The following CTDP1 variants were observed in gnomAD, a reference collection of about 807,000 sequenced individuals.
CTDP1 encodes the protein CTD phosphatase 1.
Under a neutral mutation model 91.8 loss-of-function variants are expected in CTDP1, and 47 were observed. The ratio of observed to expected loss-of-function variants is 0.51; its 90% CI spans 0.41 to 0.65. The LOEUF (loss-of-function observed/expected upper bound fraction) is 0.65. Ranked by LOEUF, CTDP1 falls within the 30% of genes least tolerant of loss-of-function variation. CTDP1 has a pLI of 0.00. For missense variants in CTDP1, 1,272 were observed against 1,373.7 expected, an observed-to-expected ratio of 0.93 and a Z score of 1.17; for synonymous variants, 656 against 598.5, an observed-to-expected ratio of 1.10 and a Z score of -1.40.
chr18:79,715,119 G>A lies in CTDP1; in HGVS notation c.1659G>A (p.Glu553=). 1.2e-6 allele frequency: 2 copies of A among 1,613,488 alleles called. No individual in the cohort carries two copies. The highest frequency in any genetic ancestry group is 1.7e-5 in the Admixed American group (1 of 60,010). ...GCAACGGCTGTGCCGACAGGAAGGA[G>A]GCGGAGACCGAGTCACAGAACAGCG... ...GLGNGCADRK[E]AETESQNSEL... is the part of the protein sequence containing the mutation. Residue 553 remains glutamate, a synonymous_variant, in exon 8 of 13, where the codon GAG becomes GAA. Transcript: ENST00000613122.
chr18:79,723,834 C>G (rs1036968839), intron 10 of CTDP1, among the ~76,000 whole-genome samples: 1 of 152,198 alleles, frequency 6.6e-6, no homozygotes, highest in Non-Finnish European at 1.5e-5. Flanking sequence ...GCACCGCGCC[C>G]TCTCCGGAGT....
rs567386439 is a variant in CTDP1 at position 79,704,443 on chromosome 18, C to T, written c.622-324C>T. Among the ~76,000 whole-genome samples, 6 of 150,464 alleles carry T rather than the reference C, an allele frequency of 4.0e-5. No homozygotes were observed. In the East Asian group the frequency reaches 7.9e-4, roughly 20 times the overall value. On this transcript the variant is annotated intron_variant, in intron 4 of 12. Coordinates refer to ENST00000613122, the MANE Select transcript of CTDP1 (RefSeq NM_004715.5). ...ATGTCCTCTGTCCCGTGTGGAGGGG[C>T]GTGTACACGCACACGTGTCCTCTGT...
chr18:79,753,722 G>A lies in CTDP1; in HGVS notation c.2818G>A (p.Glu940Lys), dbSNP rs139811552. The change falls in exon 13 of 13, where the codon GAG becomes AAG. Residue 940 changes from glutamate (E) to lysine (K), a missense_variant. Around this residue, in one of 3 missense-constraint regions of CTDP1, gnomAD observed 881 missense variants for 911.6 expected, o/e 0.97. Coordinates refer to ENST00000613122, the MANE Select transcript of CTDP1 (RefSeq NM_004715.5). ...CAGCAGGGAGTCCAGCAACGAGGAT[G>A]AGGGCAGCAGCTCCGAGGCCGACGA... The part of the protein sequence containing the change: ...ESSRESSNED[E>K]GSSSEADEMA... 4.4e-5 allele frequency: 71 copies of A among 1,613,822 alleles called. No individual in the cohort carries two copies. In the African/African-American group the frequency reaches 8.0e-4, roughly 18 times the overall value.
intron 10 of CTDP1, among the ~76,000 whole-genome samples, chr18:79,718,238 G>A (rs1425197018): frequency 2.6e-5 from 4 of 152,118 alleles, no homozygotes; most frequent in Non-Finnish European, 5.9e-5. Context: ...ACAAAACCCC[G>A]ACCATCAGCT....
At chr18:79,729,473 G>A (rs960054036) in intron 11 of CTDP1, among the ~76,000 whole-genome samples, 11 of 152,324 alleles carry the variant, frequency 7.2e-5, no homozygotes, top group African/African-American at 1.2e-4. Flanking sequence ...GACGCCGACC[G>A]GCCCCCATTG....
chr18:79,689,227 T>C (rs1438169722), intron 1 of CTDP1, among the ~76,000 whole-genome samples: 1 of 152,206 alleles, frequency 6.6e-6, no homozygotes, highest in Non-Finnish European at 1.5e-5. Flanking sequence ...AGATCGCAGC[T>C]GTGCACTCTG....
At chr18:79,700,706 A>T (rs956269995) in intron 4 of CTDP1, among the ~76,000 whole-genome samples, 10 of 152,344 alleles carry the variant, frequency 6.6e-5, no homozygotes, top group Admixed American at 2.6e-4. Flanking sequence ...TGATGAAACT[A>T]AACACGCTAA....
chr18:79,736,174 G>GC, intron 11 of CTDP1, 181 bp from the exon 12 acceptor site: 1 of 741,116 alleles, frequency 1.3e-6, no homozygotes, highest in Non-Finnish European at 2.3e-6. Flanking sequence ...AGCGTCTTTT[G>GC]CCCGGGGCTT....
intron 10 of CTDP1, among the ~76,000 whole-genome samples, chr18:79,728,441 C>CA (rs892986035): frequency 6.6e-6 from 1 of 152,048 alleles, no homozygotes; most frequent in Non-Finnish European, 1.5e-5. Context: ...TCTGTTTTGT[C>CA]ACTTGGCCGT....
chr18:79,720,069 C>T (rs2086305084), intron 10 of CTDP1, among the ~76,000 whole-genome samples: 1 of 145,930 alleles, frequency 6.9e-6, no homozygotes, highest in South Asian at 2.2e-4. Flanking sequence ...GTGATGATGT[C>T]ACCTCCCATC....
At chr18:79,695,829 T>C (rs1290200221) in intron 2 of CTDP1, 148 bp from the exon 3 acceptor site, 1 of 727,858 alleles carries the variant, frequency 1.4e-6, no homozygotes, top group African/African-American at 1.7e-5. Context: ...GGAGAATGTT[T>C]CCACGTTTGC....
At chr18:79,695,619 G>C (rs779721076) in intron 2 of CTDP1, among the ~76,000 whole-genome samples, 3 of 152,210 alleles carry the variant, frequency 2.0e-5, no homozygotes, top group Non-Finnish European at 4.4e-5. Flanking sequence ...CCTCTGGGCC[G>C]CTGAGCGCCC....
At chr18:79,744,629 A>G (rs1599316578) in intron 12 of CTDP1, among the ~76,000 whole-genome samples, 2 of 152,234 alleles carry the variant, frequency 1.3e-5, no homozygotes, top group African/African-American at 4.8e-5. Flanking sequence ...GACGCTTTAT[A>G]ATGATAACGG....
chr18:79,679,396 T>G (rs951220488), upstream of CTDP1: 1 of 455,420 alleles, frequency 2.2e-6, no homozygotes, highest in Non-Finnish European at 4.4e-6. Flanking sequence ...CGACTCACAG[T>G]GCGCGATGGG....
chr18:79,743,526 CA>C (rs34957550), intron 12 of CTDP1, among the ~76,000 whole-genome samples: 12 of 109,870 alleles, frequency 1.1e-4, no homozygotes, highest in Admixed American at 3.1e-4. Flanking sequence ...ACTCCGTCTC[CA>C]AAAAAAAAAA....
At chr18:79,719,607 G>A (rs1425097191) in intron 10 of CTDP1, among the ~76,000 whole-genome samples, 2 of 151,666 alleles carry the variant, frequency 1.3e-5, no homozygotes, top group African/African-American at 4.8e-5. Context: ...TTAGGAAGGC[G>A]TCCTGGTGAT....
intron 12 of CTDP1, among the ~76,000 whole-genome samples, chr18:79,740,567 C>T (rs1302438491): frequency 1.3e-5 from 2 of 152,204 alleles, no homozygotes; most frequent in Non-Finnish European, 2.9e-5. Context: ...GATTCTTTCC[C>T]ATGCGTGGCA....
chr18:79,717,819 C>T lies in CTDP1; in HGVS notation c.2220C>T (p.Ser740=), dbSNP rs748028728. ...TCTCTTCCTCCGACAGGGAGAACAG[C>T]CCTGCGGCCTTTCCCGACCGGGAGG... ...DDHTKAQREN[S]PAAFPDREGV... is the part of the protein sequence containing the mutation. Residue 740 remains serine, a synonymous_variant, in exon 10 of 13, where the codon AGC becomes AGT. Transcript: ENST00000613122. 2 of 1,613,766 alleles carry T rather than the reference C, an allele frequency of 1.2e-6. No homozygotes were observed. The highest frequency in any genetic ancestry group is 1.7e-5 in the Admixed American group (1 of 60,028).
rs190892249 is a variant in CTDP1, at chr18:79,699,778, C to T, written c.621+1790C>T. Among the ~76,000 whole-genome samples the T allele has an allele frequency of 2.3e-3, 355 of 152,222 alleles. 1 individual carries two copies. The highest frequency in any genetic ancestry group is 7.6e-3 in the African/African-American group (317 of 41,524). The stretch of plus-strand genomic sequence containing the variant: ...ATACTGTGTTCACAGGGAGGAGGCT[C>T]GGAGCAACCTGGCGAGCACGTCTGC... On this transcript the variant is annotated intron_variant, in intron 4 of 12. Coordinates refer to ENST00000613122, the MANE Select transcript of CTDP1 (RefSeq NM_004715.5).
Sources: gnomAD v4.1 joint callset for allele counts (sites outside exome capture counted in the v4.1 genomes callset) on GRCh38, gnomAD v4.1.1 for gene constraint, gnomAD v4.1.1 regional missense constraint, MANE v1.5 for transcripts, NCBI Gene and HGNC (gene_info 2026-07-23, HGNC 2026-07-21) for gene names.